NFIB: variants seen among roughly 807,000 people sequenced by gnomAD.
The protein encoded by NFIB is nuclear factor 1 B-type.
A neutral mutation model predicts 61.5 loss-of-function variants in NFIB; 11 were observed. The observed-to-expected ratio is 0.18, with a 90% CI of 0.11 to 0.30. NFIB has a LOEUF of 0.30. NFIB is among the 10% of genes least tolerant of loss of function. The probability of loss-of-function intolerance (pLI) is 1.00; values close to 1 mark genes in which losing one functional copy is unlikely to be tolerated. For missense variants in NFIB, 471 were observed against 608.9 expected (o/e 0.77, Z 2.38); for synonymous variants, 260 against 216.5 (o/e 1.20, Z -1.76).
intron 1 of NFIB, among the ~76,000 whole-genome samples, chr9:14,374,798 T>G (rs2061398919): frequency 6.6e-6 from 1 of 152,036 alleles, no homozygotes; most frequent in Non-Finnish European, 1.5e-5. Flanking sequence ...TAGATCCAGT[T>G]ACTCAGGAAG....
At chr9:14,406,863 C>T in the NFIB span, among the ~76,000 whole-genome samples, 1 of 152,150 alleles carries the variant, frequency 6.6e-6, no homozygotes, top group Non-Finnish European at 1.5e-5. Context: ...ACCTCTTTAG[C>T]GATTACGTAG....
chr9:14,321,240 G>C (rs924143458), intron 1 of NFIB, among the ~76,000 whole-genome samples: 1 of 151,966 alleles, frequency 6.6e-6, no homozygotes, highest in Non-Finnish European at 1.5e-5. Flanking sequence ...GACACACATA[G>C]GAAGAGGAAA....
rs1247952182 is a variant in NFIB at position 14,307,593 on chromosome 9, A to G, written c.31-73T>C. ...TTTTAAAAGCTCAAAAAATAAGAAA[A>G]GAAGACCACAACCCGTTTCCAATTC... On this transcript the variant is annotated intron_variant, in intron 1 of 10. Coordinates refer to ENST00000380953, the MANE Select transcript of NFIB (RefSeq NM_001190737.2). The surrounding 1 kb of genome is among the most constrained non-coding windows in gnomAD (Gnocchi z 5.3). 7.1e-7 allele frequency: 1 copy of G among 1,406,458 alleles called. No individual in the cohort carries two copies. Among genetic ancestry groups the G allele is most frequent in the Non-Finnish European group, 9.5e-7 (1 of 1,057,084 alleles). 87.1% of individuals were successfully genotyped at this position (1,406,458 alleles called of 1,614,324 possible).
the NFIB span, among the ~76,000 whole-genome samples, chr9:14,461,064 T>A: frequency 2.0e-5 from 3 of 152,108 alleles, no homozygotes; most frequent in African/African-American, 7.2e-5. Flanking sequence ...ATATCAAGTC[T>A]CCCTGACCCC....
At chr9:14,473,098 A>G in the NFIB span, among the ~76,000 whole-genome samples, 1 of 152,220 alleles carries the variant, frequency 6.6e-6, no homozygotes, top group African/African-American at 2.4e-5. Flanking sequence ...AGGGGGTTTT[A>G]TAGTTCTAGA....
chr9:14,292,014 G>A (rs944180799), intron 2 of NFIB, among the ~76,000 whole-genome samples: 2 of 151,988 alleles, frequency 1.3e-5, no homozygotes, highest in Admixed American at 6.6e-5. Flanking sequence ...TACTTCCTAT[G>A]AAAATGTATA....
chr9:14,159,842 T>C (rs2043941518), intron 3 of NFIB, among the ~76,000 whole-genome samples: 1 of 152,224 alleles, frequency 6.6e-6, no homozygotes, highest in Non-Finnish European at 1.5e-5. Context: ...TAACCCCATC[T>C]GTAACCTCCA....
chr9:14,176,610 C>T (rs986703940), intron 3 of NFIB, among the ~76,000 whole-genome samples: 14 of 151,994 alleles, frequency 9.2e-5, no homozygotes, highest in African/African-American at 3.1e-4. Flanking sequence ...TCCAAAAATG[C>T]GTTGCCTTTG....
At chr9:14,363,469 T>A (rs1423323453) in intron 1 of NFIB, among the ~76,000 whole-genome samples, 1 of 152,154 alleles carries the variant, frequency 6.6e-6, no homozygotes, top group Admixed American at 6.5e-5. Context: ...CAAGTTTTTG[T>A]TTTACAGTAA....
At chr9:14,257,139 A>T (rs1335360470) in intron 2 of NFIB, among the ~76,000 whole-genome samples, 1 of 152,188 alleles carries the variant, frequency 6.6e-6, no homozygotes, top group Non-Finnish European at 1.5e-5. Context: ...TAACTGTTTA[A>T]CCTTGGTTAA....
chr9:14,338,364 A>G (rs2060909213), intron 1 of NFIB, among the ~76,000 whole-genome samples: 1 of 151,818 alleles, frequency 6.6e-6, no homozygotes, highest in Non-Finnish European at 1.5e-5. Context: ...ACTGCACTCC[A>G]GCCTGGGTGA....
chr9:14,181,945 C>T (rs2046828590), intron 2 of NFIB, among the ~76,000 whole-genome samples: 1 of 152,156 alleles, frequency 6.6e-6, no homozygotes, highest in Non-Finnish European at 1.5e-5. Context: ...GTTACAGCAA[C>T]TTCAAAATGG....
chr9:14,369,282 G>A (rs1354441752), intron 1 of NFIB, among the ~76,000 whole-genome samples: 1 of 152,206 alleles, frequency 6.6e-6, no homozygotes. Context: ...AGAAGATGAT[G>A]TGGAAGCTGG....
intron 4 of NFIB, among the ~76,000 whole-genome samples, chr9:14,151,959 A>G (rs2131173125): frequency 6.6e-6 from 1 of 152,106 alleles, no homozygotes; most frequent in South Asian, 2.1e-4. Context: ...AAGTTTTCTT[A>G]CCCCTCATTT....
At chr9:14,323,537 A>C (rs1301512216) in intron 1 of NFIB, among the ~76,000 whole-genome samples, 2 of 152,244 alleles carry the variant, frequency 1.3e-5, no homozygotes, top group East Asian at 3.8e-4. Flanking sequence ...TACATTTAGA[A>C]AAGATTTTAT....
At position 14,241,841 on chromosome 9, in the gene NFIB, C is replaced by A. The variant is rs192354584; in HGVS notation, c.563-62061G>T. ...CTTATAGACACAGAATCAAAGAAAG[C>A]CAATTGTATGTCTAATTTTTTAACC... On this transcript the variant is annotated intron_variant, in intron 2 of 10. Transcript: ENST00000380953. Among the ~76,000 whole-genome samples, 10 of 152,182 alleles carry A rather than the reference C, an allele frequency of 6.6e-5. No individual in the cohort carries two copies. In the East Asian group the frequency reaches 1.9e-3, roughly 29 times the overall value.
chr9:14,401,148 T>C (rs761040098), upstream of NFIB, among the ~76,000 whole-genome samples: 6 of 152,202 alleles, frequency 3.9e-5, no homozygotes, highest in Admixed American at 2.6e-4. Context: ...AAAAGGCTCA[T>C]TGGAGAATAA....
chr9:14,441,198 T>C, the NFIB span, among the ~76,000 whole-genome samples: 1 of 150,590 alleles, frequency 6.6e-6, no homozygotes, highest in African/African-American at 2.4e-5. Context: ...ACCAGCCTAA[T>C]TGAATGTAGG....
chr9:14,215,279 G>A, intron 2 of NFIB, among the ~76,000 whole-genome samples: 1 of 150,274 alleles, frequency 6.7e-6, no homozygotes, highest in East Asian at 1.9e-4. Flanking sequence ...TAAATACTCA[G>A]AACAATAAAC....
Sources: gnomAD v4.1 joint callset for allele counts (sites outside exome capture counted in the v4.1 genomes callset) on GRCh38, gnomAD v4.1.1 for gene constraint, Gnocchi (gnomAD v3.1) non-coding constraint, MANE v1.5 for transcripts, NCBI Gene and HGNC (gene_info 2026-07-23, HGNC 2026-07-21) for gene names.